Variants in RUNDC3B observed in about 807,000 individuals in gnomAD.
RUNDC3B encodes the protein RUN domain containing 3B, also known as RUN domain-containing protein 3B.
RUNDC3B carries 33 observed loss-of-function variants against 58.4 expected under a neutral mutation model. That is an observed-to-expected ratio of 0.56 (90% CI 0.43 to 0.75). RUNDC3B has a LOEUF of 0.75. Ranked by LOEUF, RUNDC3B falls within the 30% of genes least tolerant of loss-of-function variation. RUNDC3B has a pLI of 0.00. For missense variants in RUNDC3B, 501 were observed against 535.7 expected, an observed-to-expected ratio of 0.94 and a Z score of 0.64; for synonymous variants, 193 against 195.2, an observed-to-expected ratio of 0.99 and a Z score of 0.10.
rs555299191 is a variant in RUNDC3B, at chr7:87,720,055, A to G, written c.458+9400A>G. ...AAAAACACCATATAGAAACATCAAA[A>G]TACAATTGAAAAACTGGGAGAAAAT... is the stretch of plus-strand genomic sequence containing the variant. On this transcript the variant is annotated intron_variant, in intron 4 of 10. Transcript: ENST00000394654. Among the ~76,000 whole-genome samples the G allele has an allele frequency of 3.5e-3, 537 of 151,688 alleles. 3 individuals are homozygous for G. The highest frequency in any genetic ancestry group is 0.012 in the African/African-American group (513 of 41,500).
chr7:87,742,135 T>C (rs1832361016), intron 6 of RUNDC3B, among the ~76,000 whole-genome samples: 1 of 152,224 alleles, frequency 6.6e-6, no homozygotes. Flanking sequence ...TAAATAATAA[T>C]TAATGACATC....
At chr7:87,793,041 A>G (rs1210455532) in intron 8 of RUNDC3B, among the ~76,000 whole-genome samples, 3 of 152,136 alleles carry the variant, frequency 2.0e-5, no homozygotes, top group Non-Finnish European at 4.4e-5. Flanking sequence ...CAGAAATTCA[A>G]AGGATCATTA....
At chr7:87,809,844 C>G (rs932830804) in intron 9 of RUNDC3B, among the ~76,000 whole-genome samples, 1 of 152,084 alleles carries the variant, frequency 6.6e-6, no homozygotes, top group Non-Finnish European at 1.5e-5. Context: ...GTTTTTTCTC[C>G]CTTCAAACTT....
intron 1 of RUNDC3B, among the ~76,000 whole-genome samples, chr7:87,636,862 A>G (rs1014944136): frequency 2.6e-5 from 4 of 152,130 alleles, no homozygotes; most frequent in Admixed American, 1.3e-4. Context: ...TTTATGAAGG[A>G]AAGAGGTTTA....
intron 3 of RUNDC3B, among the ~76,000 whole-genome samples, chr7:87,705,226 A>C (rs1175484733): frequency 6.6e-6 from 1 of 152,188 alleles, no homozygotes; most frequent in African/African-American, 2.4e-5. Flanking sequence ...GCAGTTCCAG[A>C]CTAGCCTGGC....
At chr7:87,805,959 C>A (rs1836413080) in intron 8 of RUNDC3B, among the ~76,000 whole-genome samples, 1 of 152,162 alleles carries the variant, frequency 6.6e-6, no homozygotes. Flanking sequence ...ATTTTCCCAG[C>A]CACTCTCTTT....
At chr7:87,750,347 A>G (rs1331866901) in intron 6 of RUNDC3B, among the ~76,000 whole-genome samples, 1 of 151,544 alleles carries the variant, frequency 6.6e-6, no homozygotes. Flanking sequence ...ATACGTGTGC[A>G]TGTGTCTTTA....
intron 10 of RUNDC3B, among the ~76,000 whole-genome samples, chr7:87,821,644 TACA>T (rs1357576295): frequency 6.6e-6 from 1 of 152,156 alleles, no homozygotes; most frequent in Non-Finnish European, 1.5e-5. Flanking sequence ...CAAACTATAC[TACA>T]ATGCTACAGT....
At chr7:87,800,830 G>A (rs1332713798) in intron 8 of RUNDC3B, among the ~76,000 whole-genome samples, 3 of 151,702 alleles carry the variant, frequency 2.0e-5, no homozygotes, top group Admixed American at 6.6e-5. Context: ...AAACTTTTTT[G>A]TATAGATAGG....
chr7:87,814,335 G>T (rs1435527668), intron 9 of RUNDC3B, among the ~76,000 whole-genome samples: 1 of 151,902 alleles, frequency 6.6e-6, no homozygotes, highest in African/African-American at 2.4e-5. Context: ...CCCGACCTCA[G>T]GTGATCCGCC....
chr7:87,769,082 C>A (rs1178295696), intron 6 of RUNDC3B, among the ~76,000 whole-genome samples: 1 of 152,140 alleles, frequency 6.6e-6, no homozygotes, highest in Non-Finnish European at 1.5e-5. Flanking sequence ...CTTACTGCAA[C>A]CTCTACCTCC....
At chr7:87,734,648 T>C (rs528236165) in intron 4 of RUNDC3B, among the ~76,000 whole-genome samples, 1 of 152,298 alleles carries the variant, frequency 6.6e-6, no homozygotes, top group South Asian at 2.1e-4. Flanking sequence ...CACACTGTCA[T>C]CATTTTCTTA....
At chr7:87,712,400 CAA>C (rs751533539) in intron 4 of RUNDC3B, among the ~76,000 whole-genome samples, 2 of 151,888 alleles carry the variant, frequency 1.3e-5, no homozygotes, top group African/African-American at 4.8e-5. Flanking sequence ...AAAATGAAAA[CAA>C]AGAATCGTAT....
chr7:87,710,048 C>T (rs2130738334), intron 3 of RUNDC3B, among the ~76,000 whole-genome samples: 1 of 152,124 alleles, frequency 6.6e-6, no homozygotes, highest in Non-Finnish European at 1.5e-5. Context: ...AATTCAATAG[C>T]TCATGATTTG....
intron 10 of RUNDC3B, among the ~76,000 whole-genome samples, chr7:87,829,371 C>T (rs972172264): frequency 7.9e-5 from 12 of 151,786 alleles, no homozygotes; most frequent in South Asian, 4.2e-4. Context: ...TAAGGACTTA[C>T]GTCATAAATT....
intron 4 of RUNDC3B, 131 bp from the exon 5 acceptor site, chr7:87,739,660 T>C (rs1455765399): frequency 4.8e-6 from 2 of 417,650 alleles, no homozygotes; most frequent in Non-Finnish European, 8.5e-6. Context: ...GATGGAAATA[T>C]GTTTTTTTTA....
chr7:87,817,769 C>A (rs1837147458), intron 10 of RUNDC3B, among the ~76,000 whole-genome samples: 2 of 152,166 alleles, frequency 1.3e-5, no homozygotes, highest in Admixed American at 6.5e-5. Flanking sequence ...TGTCTGTAAA[C>A]CCCCTCTGAA....
intron 6 of RUNDC3B, among the ~76,000 whole-genome samples, chr7:87,756,660 A>G (rs901907581): frequency 7.2e-5 from 11 of 152,070 alleles, no homozygotes; most frequent in Non-Finnish European, 1.3e-4. Flanking sequence ...ATTATTTTCT[A>G]TATACCATAT....
At chr7:87,700,694 C>T (rs982705773) in intron 3 of RUNDC3B, 140 bp downstream of exon 3, 7 of 733,550 alleles carry the variant, frequency 9.5e-6, no homozygotes, top group Admixed American at 3.0e-5. Context: ...TGTGATGTTT[C>T]TACATTTCTT....
Sources: allele counts gnomAD v4.1 joint callset (sites outside exome capture counted in the v4.1 genomes callset), GRCh38; gene constraint gnomAD v4.1.1; transcripts MANE v1.5; gene names NCBI Gene and HGNC (gene_info 2026-07-23, HGNC 2026-07-21).